Variants in ZNF407 observed in about 807,000 individuals in gnomAD.
The protein encoded by ZNF407 is zinc finger protein 407.
In ZNF407, 17 loss-of-function variants were observed where a neutral mutation model predicts 131.2. The observed-to-expected ratio is 0.13, with a 90% CI of 0.09 to 0.19. The LOEUF (loss-of-function observed/expected upper bound fraction) is 0.19. Among genes scored for constraint, ZNF407 ranks in the 10% least tolerant of loss-of-function variants. The probability of loss-of-function intolerance (pLI) is 1.00; values close to 1 mark genes in which losing one functional copy is unlikely to be tolerated. For missense variants in ZNF407, 2,681 were observed against 2,830.6 expected (o/e 0.95, Z 1.20); for synonymous variants, 1,156 against 1,062.0 (o/e 1.09, Z -1.72).
intron 8 of ZNF407, among the ~76,000 whole-genome samples, chr18:75,053,081 T>C (rs999011576): frequency 1.1e-4 from 17 of 152,222 alleles, no homozygotes; most frequent in African/African-American, 4.1e-4. Context: ...CCCAGCCCCA[T>C]GACACATGAT....
chr18:74,658,575 G>T (rs1475355250), intron 3 of ZNF407, among the ~76,000 whole-genome samples: 1 of 152,052 alleles, frequency 6.6e-6, no homozygotes, highest in Non-Finnish European at 1.5e-5. Context: ...TTAAAATAAA[G>T]AAAAACTGTG....
chr18:75,004,733 G>T (rs940002795), intron 8 of ZNF407, among the ~76,000 whole-genome samples: 10 of 152,160 alleles, frequency 6.6e-5, no homozygotes, highest in Non-Finnish European at 1.2e-4. Context: ...TGATATCTTT[G>T]TTTTTCTTCA....
chr18:74,764,531 A>G (rs1969184499), intron 3 of ZNF407, among the ~76,000 whole-genome samples: 2 of 152,244 alleles, frequency 1.3e-5, no homozygotes. Flanking sequence ...ATACAAAAAT[A>G]ATACAACCCT....
chr18:74,759,656 G>GA (rs1969046765), intron 3 of ZNF407, among the ~76,000 whole-genome samples: 1 of 151,732 alleles, frequency 6.6e-6, no homozygotes, highest in African/African-American at 2.4e-5. Flanking sequence ...TTCCTCTAGT[G>GA]AATTTTTCGT....
intron 8 of ZNF407, among the ~76,000 whole-genome samples, chr18:74,947,062 C>T (rs1167116061): frequency 1.3e-5 from 2 of 152,158 alleles, no homozygotes; most frequent in Admixed American, 1.3e-4. Flanking sequence ...AGAAACAGGT[C>T]ATTGTGGAGA....
intron 3 of ZNF407, among the ~76,000 whole-genome samples, chr18:74,765,765 G>A (rs544527919): frequency 5.3e-5 from 8 of 152,288 alleles, no homozygotes; most frequent in African/African-American, 1.9e-4. Flanking sequence ...TGGCCTCCCT[G>A]TGTTCTCCTA....
At chr18:75,013,426 AC>A (rs1339263175) in intron 8 of ZNF407, among the ~76,000 whole-genome samples, 1 of 152,044 alleles carries the variant, frequency 6.6e-6, no homozygotes, top group Non-Finnish European at 1.5e-5. Flanking sequence ...CTTGGGGCAC[AC>A]CTCTTTCTTT....
intron 4 of ZNF407, among the ~76,000 whole-genome samples, chr18:74,810,162 G>A (rs575810098): frequency 5.9e-5 from 9 of 152,274 alleles, no homozygotes; most frequent in African/African-American, 9.6e-5. Context: ...GGGATCAGAA[G>A]CACTGAAACT....
chr18:75,050,016 G>T (rs1973481473), intron 8 of ZNF407, among the ~76,000 whole-genome samples: 1 of 152,094 alleles, frequency 6.6e-6, no homozygotes, highest in Non-Finnish European at 1.5e-5. Flanking sequence ...ACTACCGACT[G>T]CAGGACTTTA....
At chr18:74,835,540 T>C (rs2145123868) in intron 4 of ZNF407, among the ~76,000 whole-genome samples, 1 of 152,170 alleles carries the variant, frequency 6.6e-6, no homozygotes, top group East Asian at 1.9e-4. Context: ...AGCTTTTAAG[T>C]CTAGGATTTT....
intron 3 of ZNF407, among the ~76,000 whole-genome samples, chr18:74,759,160 A>G (rs1169672713): frequency 6.6e-6 from 1 of 151,934 alleles, no homozygotes; most frequent in African/African-American, 2.4e-5. Context: ...TGAATATGTC[A>G]TCCCCCTGCC....
rs111630508 is a variant in ZNF407, at chr18:74,798,034, G to A, written c.4877+16532G>A. ...TGACTCACTAATGCTGGGGAAAGGC[G>A]CAAACGCATTTAAATTTTTTTAACC... On this transcript the variant is annotated intron_variant, in intron 4 of 8. Transcript: ENST00000299687. 1.5e-3 allele frequency among the ~76,000 whole-genome samples: 233 copies of A among 152,180 alleles called. 1 individual carries two copies. Among genetic ancestry groups the A allele is most frequent in the African/African-American group, 4.9e-3 (202 of 41,490 alleles).
chr18:74,711,427 G>T (rs1278369599), intron 3 of ZNF407, among the ~76,000 whole-genome samples: 2 of 152,204 alleles, frequency 1.3e-5, no homozygotes, highest in East Asian at 1.9e-4. Flanking sequence ...GTAAGAGAAG[G>T]TATGATGACA....
chr18:74,706,653 T>A (rs1487927381), intron 3 of ZNF407, among the ~76,000 whole-genome samples: 1 of 152,164 alleles, frequency 6.6e-6, no homozygotes, highest in Non-Finnish European at 1.5e-5. Context: ...TGTGAGAGAA[T>A]GTCAGGATGT....
At chr18:74,947,647 C>T (rs1449839067) in intron 8 of ZNF407, among the ~76,000 whole-genome samples, 2 of 152,146 alleles carry the variant, frequency 1.3e-5, no homozygotes, top group East Asian at 1.9e-4. Flanking sequence ...CACTAGCGTC[C>T]CAGGTACCAG....
intron 1 of ZNF407, among the ~76,000 whole-genome samples, chr18:74,619,761 T>C (rs1467996460): frequency 1.3e-5 from 2 of 152,336 alleles, no homozygotes; most frequent in Middle Eastern, 3.4e-3. Flanking sequence ...GGAAGAAGAA[T>C]TTATACAGCC....
intron 8 of ZNF407, among the ~76,000 whole-genome samples, chr18:74,996,243 C>A (rs1399151138): frequency 6.6e-6 from 1 of 151,966 alleles, no homozygotes; most frequent in East Asian, 1.9e-4. Context: ...TAGTTTTTCA[C>A]AGCGGTGGCT....
At chr18:75,031,206 A>G (rs976682184) in intron 8 of ZNF407, among the ~76,000 whole-genome samples, 3 of 152,242 alleles carry the variant, frequency 2.0e-5, no homozygotes, top group Admixed American at 1.3e-4. Flanking sequence ...TTCCTGTGCT[A>G]TTCAGTAATA....
intron 3 of ZNF407, among the ~76,000 whole-genome samples, chr18:74,697,424 T>C (rs1311538999): frequency 1.3e-5 from 2 of 152,218 alleles, no homozygotes; most frequent in Non-Finnish European, 2.9e-5. Flanking sequence ...GACTGCTTTA[T>C]AGAGAAAGTG....
Sources: gnomAD v4.1 joint callset for allele counts (sites outside exome capture counted in the v4.1 genomes callset) on GRCh38, gnomAD v4.1.1 for gene constraint, MANE v1.5 for transcripts, NCBI Gene and HGNC (gene_info 2026-07-23, HGNC 2026-07-21) for gene names.